SYNJ1: variants seen among roughly 807,000 people sequenced by gnomAD.
SYNJ1 encodes the protein synaptojanin 1, also known as polyphosphatidylinositol phosphatase SYNJ1.
Under a neutral mutation model 168.2 loss-of-function variants are expected in SYNJ1, and 78 were observed. That is an observed-to-expected ratio of 0.46 (90% CI 0.39 to 0.56). The LOEUF (loss-of-function observed/expected upper bound fraction) is 0.56. Ranked by LOEUF, SYNJ1 falls within the 20% of genes least tolerant of loss-of-function variation. The probability of loss-of-function intolerance (pLI) is 0.00; values close to 1 mark genes in which losing one functional copy is unlikely to be tolerated. For missense variants in SYNJ1, 1,303 were observed against 1,597.6 expected, an observed-to-expected ratio of 0.82 and a Z score of 3.14; for synonymous variants, 539 against 548.6, an observed-to-expected ratio of 0.98 and a Z score of 0.24.
chr21:32,634,988 G>C (rs749697830), intron 31 of SYNJ1, 104 bp from the exon 32 acceptor site: 81 of 1,163,196 alleles, frequency 7.0e-5, no homozygotes, highest in Non-Finnish European at 9.6e-5. Flanking sequence ...CTAAGTTACA[G>C]ACAGAACCCA....
In SYNJ1 at chr21:32,639,726, T is replaced by C; in HGVS notation, c.3642A>G (p.Ala1214=). 2 of 1,614,180 alleles carry C rather than the reference T, an allele frequency of 1.2e-6. No homozygotes were observed. Among genetic ancestry groups the C allele is most frequent in the Non-Finnish European group, 1.7e-6 (2 of 1,180,044 alleles). The part of the protein sequence containing the change: ...VISAPQSHAR[A]SAGRLTPESQ... ...TTTCAGGAGTCAGTCTTCCAGCAGA[T>C]GCCCGCGCGTGGCTCTGTGGGGCAC... The change falls in exon 30 of 33, where the codon GCA becomes GCG. Residue 1214 remains alanine (A), a synonymous_variant. Transcript: ENST00000674351.
At position 32,631,570 on chromosome 21, in the gene SYNJ1, T is replaced by G. The variant is rs769099271; in HGVS notation, c.*235A>C. The G allele has an allele frequency of 1.3e-5, 21 of 1,614,028 alleles. No individual in the cohort carries two copies. Among genetic ancestry groups the G allele is most frequent in the Admixed American group, 6.7e-5 (4 of 60,004 alleles). On this transcript the variant is annotated 3_prime_UTR_variant, in exon 33 of 33. Coordinates refer to ENST00000674351, the MANE Select transcript of SYNJ1 (RefSeq NM_203446.3). The stretch of plus-strand genomic sequence containing the variant: ...CTTCGCATATTTTCCTGGGATTGAC[T>G]CCGAGCTGGAATTGGAGGCATTGTT...
At chr21:32,696,965 C>G (rs546160646) in intron 4 of SYNJ1, among the ~76,000 whole-genome samples, 10 of 152,344 alleles carry the variant, frequency 6.6e-5, no homozygotes, top group African/African-American at 2.4e-4. Context: ...AGGCAAAGTT[C>G]AAACTGGTTG....
At chr21:32,635,537 T>C (rs2039528799) in intron 31 of SYNJ1, among the ~76,000 whole-genome samples, 1 of 152,108 alleles carries the variant, frequency 6.6e-6, no homozygotes, top group African/African-American at 2.4e-5. Context: ...AAAATAAATT[T>C]CTGTTGTGTA....
Position 32,668,007 on chromosome 21 carries a change from ATATGTGTGTGTG to A in SYNJ1, c.1812-1446_1812-1435del, listed in dbSNP as rs1347948445. Among the ~76,000 whole-genome samples the A allele has an allele frequency of 1.2e-4, 12 of 96,086 alleles. 1 individual carries two copies. The East Asian group carries it at 1.5e-3, about 12-fold the overall frequency. 63.0% of individuals were successfully genotyped at this position (96,086 alleles called of 152,430 possible). On this transcript the variant is annotated intron_variant, in intron 15 of 32. Transcript: ENST00000674351. ...TCACTACTTTATTAAAGAAGAATAT[ATATGTGTGTGTG>A]TGTGTGTGTGTGTGTGTGTGTGTGT...
chr21:32,649,017 G>A (rs1898538399), intron 23 of SYNJ1, among the ~76,000 whole-genome samples: 1 of 152,142 alleles, frequency 6.6e-6, no homozygotes, highest in Admixed American at 6.5e-5. Flanking sequence ...CATTCTCCCT[G>A]AGTCTTTGGA....
chr21:32,688,466 A>C, intron 6 of SYNJ1, 99 bp from the exon 7 acceptor site: 1 of 958,606 alleles, frequency 1.0e-6, no homozygotes, highest in Non-Finnish European at 1.6e-6. Flanking sequence ...TGCTGAACAC[A>C]CAGTCGTTAA....
At chr21:32,698,528 T>C (rs2042289341) in intron 4 of SYNJ1, among the ~76,000 whole-genome samples, 1 of 152,214 alleles carries the variant, frequency 6.6e-6, no homozygotes, top group South Asian at 2.1e-4. Context: ...TATGTCAATA[T>C]AATAATACAT....
At chr21:32,648,958 G>T (rs1485408307) in intron 23 of SYNJ1, among the ~76,000 whole-genome samples, 1 of 152,060 alleles carries the variant, frequency 6.6e-6, no homozygotes, top group African/African-American at 2.4e-5. Context: ...TCCCCACTTA[G>T]ACTGTGCACA....
intron 18 of SYNJ1, among the ~76,000 whole-genome samples, chr21:32,663,009 T>C (rs998051538): frequency 6.6e-6 from 1 of 152,198 alleles, no homozygotes. Context: ...AAACTTTCTA[T>C]GATGAACTAA....
intron 4 of SYNJ1, among the ~76,000 whole-genome samples, chr21:32,696,094 C>G (rs1341151501): frequency 6.6e-6 from 1 of 152,126 alleles, no homozygotes; most frequent in Non-Finnish European, 1.5e-5. Flanking sequence ...CCTTGTGATC[C>G]ACCTGCCTCG....
At chr21:32,637,389 C>T (rs1186852488) in intron 31 of SYNJ1, among the ~76,000 whole-genome samples, 6 of 150,046 alleles carry the variant, frequency 4.0e-5, no homozygotes, top group African/African-American at 1.5e-4. Context: ...TTTCACCATC[C>T]TCAATTTTTC....
chr21:32,642,881 T>C (rs2039905077), intron 27 of SYNJ1, among the ~76,000 whole-genome samples: 1 of 152,190 alleles, frequency 6.6e-6, no homozygotes, highest in Non-Finnish European at 1.5e-5. Context: ...AAGAAATACA[T>C]CAGCCTTTTA....
chr21:32,646,641 T>C (rs1197918614), intron 23 of SYNJ1, 39 bp from the exon 24 acceptor site: 1 of 1,523,932 alleles, frequency 6.6e-7, no homozygotes, highest in Non-Finnish European at 9.1e-7. Context: ...AACTCCATTT[T>C]AACTTGCTCA....
At chr21:32,681,842 G>A (rs553262915) in intron 10 of SYNJ1, among the ~76,000 whole-genome samples, 194 bp from the exon 11 acceptor site, 1 of 152,046 alleles carries the variant, frequency 6.6e-6, no homozygotes, top group African/African-American at 2.4e-5. Context: ...CTGTATCAAT[G>A]GAAACTACAA....
rs115989459 is a variant in SYNJ1, at chr21:32,673,531, G to A, written c.1535C>T (p.Ala512Val). The change falls in exon 14 of 33, where the codon GCA (alanine) becomes GTA (valine). Residue 512 changes from alanine (A) to valine (V), a missense_variant and splice_region_variant. Coordinates refer to ENST00000674351, the MANE Select transcript of SYNJ1 (RefSeq NM_203446.3). ...CATGCTCTTTAGTACTTTAGAAGAT[G>A]CTAATCAAGAGAAGACACAATAGAA... ...LRVSEQTLQS[A>V]SSKVLKSMCE... 150 of 1,597,650 alleles carry A rather than the reference G, an allele frequency of 9.4e-5. 1 individual carries two copies. In the East Asian group the frequency reaches 2.8e-3, roughly 29 times the overall value.
chr21:32,674,011 T>C (rs1343860717), intron 13 of SYNJ1, among the ~76,000 whole-genome samples: 3 of 152,242 alleles, frequency 2.0e-5, no homozygotes, highest in Non-Finnish European at 4.4e-5. Context: ...GACAGGCAGC[T>C]TGATGAATAA....
At position 32,703,625 on chromosome 21, in the gene SYNJ1, T is replaced by C. The variant is rs535942497; in HGVS notation, c.125-1578A>G. ...TACATTTAAAATACAATCACTAATA[T>C]AGTAATATAGAAAGTACTAGATATA... On this transcript the variant is annotated intron_variant, in intron 2 of 32. Coordinates refer to ENST00000674351, the MANE Select transcript of SYNJ1 (RefSeq NM_203446.3). 1.6e-4 allele frequency among the ~76,000 whole-genome samples: 25 copies of C among 152,274 alleles called. 2 individuals carry two copies. In the South Asian group the frequency reaches 5.0e-3, roughly 30 times the overall value.
At chr21:32,696,193 T>C (rs574995003) in intron 4 of SYNJ1, among the ~76,000 whole-genome samples, 62 of 152,314 alleles carry the variant, frequency 4.1e-4, no homozygotes, top group Non-Finnish European at 8.2e-4. Context: ...TAAGGCTCTA[T>C]TTTAATTAAT....
Sources: allele counts gnomAD v4.1 joint callset (sites outside exome capture counted in the v4.1 genomes callset), GRCh38; gene constraint gnomAD v4.1.1; transcripts MANE v1.5; gene names NCBI Gene and HGNC (gene_info 2026-07-23, HGNC 2026-07-21).